HDAC2: variants seen among roughly 807,000 people sequenced by gnomAD.
The protein encoded by HDAC2 is YY1-associated factor 1.
HDAC2 carries 5 observed loss-of-function variants against 68.5 expected under a neutral mutation model. The observed-to-expected ratio is 0.07, with a 90% CI of 0.04 to 0.15. The LOEUF is 0.15. Ranked by LOEUF, HDAC2 falls within the 10% of genes least tolerant of loss-of-function variation. HDAC2 has a pLI of 1.00. For missense variants in HDAC2, 291 were observed against 600.8 expected (o/e 0.48, Z 5.39); for synonymous variants, 182 against 191.3 (o/e 0.95, Z 0.40).
rs148175102 is a variant in HDAC2, at chr6:113,943,235, T to C, written c.1378+116A>G. The C allele has an allele frequency of 9.7e-5, 69 of 713,076 alleles. 1 individual carries two copies. In the African/African-American group the frequency reaches 1.0e-3, roughly 11 times the overall value. 44.2% of individuals were successfully genotyped at this position (713,076 alleles called of 1,614,324 possible). On this transcript the variant is annotated intron_variant, in intron 12 of 13. Coordinates refer to ENST00000519065, the MANE Select transcript of HDAC2 (RefSeq NM_001527.4). ...ATGTAAGAAAAAAGAGTCACCTACCTAGCATACTTCCTCCTGATACCTGTG... is the reference window on the plus strand; with the variant it reads ...ATGTAAGAAAAAAGAGTCACCTACCCAGCATACTTCCTCCTGATACCTGTG...
rs1477809457 is a variant in HDAC2, at chr6:113,939,393, A to G, written c.*1665T>C. 1.3e-5 allele frequency: 2 copies of G among 152,264 alleles called. No homozygotes were observed. The highest frequency in any genetic ancestry group is 1.5e-5 in the Non-Finnish European group (1 of 68,066). The allele number at this position is 152,264 out of a possible 1,614,324, so 9.4% of individuals were successfully genotyped here. On this transcript the variant is annotated 3_prime_UTR_variant, in exon 14 of 14. Transcript: ENST00000519065. The stretch of plus-strand genomic sequence containing the variant: ...GTCCACCAAAATCCCACAAATCACC[A>G]CTAAAGAACTTAATCATGTAACCAA...
Position 113,943,427 on chromosome 6 carries a change from A to C in HDAC2, c.1302T>G (p.Asn434Lys). The C allele has an allele frequency of 1.9e-6, 3 of 1,611,170 alleles. No homozygotes were observed. The highest frequency in any genetic ancestry group is 2.5e-6 in the Non-Finnish European group (3 of 1,179,258). ...TTGCTCCTTTCTTATGATCAGCCACATTTCTTCGACCTCCTTCTCCTTCAT... is the reference window on the plus strand; with the variant it reads ...TTGCTCCTTTCTTATGATCAGCCACCTTTCTTCGACCTCCTTCTCCTTCAT... The part of the protein sequence containing the change: ...SEDEGEGGRR[N>K]VADHKKGAKK... Residue 434 changes from asparagine to lysine, a missense_variant, in exon 12 of 14, where the codon AAT (asparagine) becomes AAG (lysine). This residue lies in a region of HDAC2 where 137 missense variants were observed against 128.7 expected (regional missense o/e 1.06). Coordinates refer to ENST00000519065, the MANE Select transcript of HDAC2 (RefSeq NM_001527.4).
At position 113,970,705 on chromosome 6, in the gene HDAC2, A is replaced by G; in HGVS notation, c.52+152T>C. ...TGCGCCAGGAAGAGGGTCTCGTTCT[A>G]ACTGTGCCGGGCCGGGAACGGGTTA... On this transcript the variant is annotated intron_variant, in intron 1 of 13. Coordinates refer to ENST00000519065, the MANE Select transcript of HDAC2 (RefSeq NM_001527.4). The G allele has an allele frequency of 2.5e-5, 35 of 1,387,894 alleles. 1 individual carries two copies. In the South Asian group the frequency reaches 5.5e-4, roughly 22 times the overall value. 86.0% of individuals were successfully genotyped at this position (1,387,894 alleles called of 1,614,324 possible). A position where few individuals can be genotyped will look rare whatever the true frequency, so the allele number is the denominator to read the frequency against.
chr6:113,960,992 T>C (rs1377224786), intron 1 of HDAC2, among the ~76,000 whole-genome samples: 3 of 152,098 alleles, frequency 2.0e-5, no homozygotes, highest in African/African-American at 7.2e-5. Context: ...AATCTAGAGA[T>C]GACTTAAAGT....
chr6:113,942,742 C>G (rs564434445), intron 12 of HDAC2, among the ~76,000 whole-genome samples: 63 of 152,252 alleles, frequency 4.1e-4, no homozygotes, highest in Non-Finnish European at 6.6e-4. Flanking sequence ...TCTGGGAAGT[C>G]AGATGAAAGG....
chr6:113,967,716 C>T (rs796618841), intron 1 of HDAC2, among the ~76,000 whole-genome samples: 27 of 152,256 alleles, frequency 1.8e-4, no homozygotes, highest in African/African-American at 6.5e-4. Flanking sequence ...TAACTAGAGC[C>T]TAACACAGCT....
In HDAC2 at chr6:113,970,959, T is replaced by TGCC; in HGVS notation, c.-52_-51insGGC. The TGCC allele has an allele frequency of 6.4e-7, 1 of 1,562,302 alleles. No homozygotes were observed. The highest frequency in any genetic ancestry group is 8.7e-7 in the Non-Finnish European group (1 of 1,153,174). The stretch of plus-strand genomic sequence containing the variant: ...GGGCTCCTCCTCCTGCTGCTGCTGC[T>TGCC]GCTGCTGCTGCCGCCGCGGCTCGGC... On this transcript the variant is annotated 5_prime_UTR_variant, in exon 1 of 14. Coordinates refer to ENST00000519065, the MANE Select transcript of HDAC2 (RefSeq NM_001527.4).
intron 3 of HDAC2, chr6:113,957,215 G>C (rs1490386884): frequency 1.3e-5 from 2 of 153,628 alleles, no homozygotes; most frequent in Non-Finnish European, 2.9e-5. Flanking sequence ...GAATTAACTA[G>C]GTTCATGGGA....
intron 1 of HDAC2, among the ~76,000 whole-genome samples, chr6:113,965,215 A>C (rs1458557828): frequency 6.6e-6 from 1 of 152,096 alleles, no homozygotes; most frequent in Non-Finnish European, 1.5e-5. Flanking sequence ...CTTCCTTCCC[A>C]TTAAGTGCAC....
intron 6 of HDAC2, among the ~76,000 whole-genome samples, chr6:113,951,629 G>T (rs537905937): frequency 6.6e-6 from 1 of 151,992 alleles, no homozygotes; most frequent in East Asian, 1.9e-4. Context: ...CACCACGCCC[G>T]GCTAATTTTT....
intron 12 of HDAC2, among the ~76,000 whole-genome samples, chr6:113,942,866 C>A (rs1265718989): frequency 2.0e-5 from 3 of 152,158 alleles, no homozygotes; most frequent in Admixed American, 2.0e-4. Flanking sequence ...CCCCTCCTAG[C>A]TTTCCTCAGA....
chr6:113,939,671 ACTT>A lies in HDAC2; in HGVS notation c.*1384_*1386del, dbSNP rs1392286790. ...GGATAAAATAATCACAATGGTGATTACTTCTTAAGGCTGGGAGGGAGGGAGGAT... is the reference window on the plus strand; with the variant it reads ...GGATAAAATAATCACAATGGTGATTACTTAAGGCTGGGAGGGAGGGAGGAT... On this transcript the variant is annotated 3_prime_UTR_variant, in exon 14 of 14. Transcript: ENST00000519065. The A allele has an allele frequency of 1.3e-5, 2 of 152,210 alleles. No homozygotes were observed. Among genetic ancestry groups the A allele is most frequent in the African/African-American group, 4.8e-5 (2 of 41,454 alleles). The allele number at this position is 152,210 out of a possible 1,614,324, so 9.4% of individuals were successfully genotyped here.
intron 1 of HDAC2, among the ~76,000 whole-genome samples, chr6:113,960,742 C>G (rs1342170345): frequency 6.6e-6 from 1 of 151,948 alleles, no homozygotes; most frequent in South Asian, 2.1e-4. Flanking sequence ...AAAATTAATA[C>G]TTTTAGGTAA....
In HDAC2 at chr6:113,971,106, C is replaced by T. The variant is rs756770757; in HGVS notation, c.-198G>A. 15 of 1,545,962 alleles carry T rather than the reference C, an allele frequency of 9.7e-6. No homozygotes were observed. Among genetic ancestry groups the T allele is most frequent in the Non-Finnish European group, 1.2e-5 (14 of 1,143,948 alleles). ...TACCACCCGGCAGAGGTGCCGAAAG[C>T]TCGGAATCGGAGGTGGCAGCGGCAC... On this transcript the variant is annotated 5_prime_UTR_variant, in exon 1 of 14. Transcript: ENST00000519065.
At position 113,936,903 on chromosome 6, in the gene HDAC2, A is replaced by C. The variant is rs1278781810; in HGVS notation, c.*4155T>G. ...GCTGCTTGGGAGGCTGAAGCATGAG[A>C]ATCACCTGAACCTAGGAAGCAGAGG... On this transcript the variant is annotated 3_prime_UTR_variant, in exon 14 of 14. Coordinates refer to ENST00000519065, the MANE Select transcript of HDAC2 (RefSeq NM_001527.4). 1.3e-5 allele frequency: 2 copies of C among 152,140 alleles called. No individual in the cohort carries two copies. The highest frequency in any genetic ancestry group is 4.8e-5 in the African/African-American group (2 of 41,388). The allele number at this position is 152,140 out of a possible 1,614,324, so 9.4% of individuals were successfully genotyped here.
chr6:113,941,134 G>C (rs919301300), intron 13 of HDAC2, 46 bp from the exon 14 acceptor site: 37 of 1,472,936 alleles, frequency 2.5e-5, no homozygotes, highest in Non-Finnish European at 3.4e-5. Context: ...CACAATCTTG[G>C]TTTAAATGCA....
At chr6:113,968,973 A>C (rs956384466) in intron 1 of HDAC2, among the ~76,000 whole-genome samples, 2 of 152,332 alleles carry the variant, frequency 1.3e-5, no homozygotes, top group East Asian at 3.9e-4. Context: ...GAAGGACCTC[A>C]GTACCACTTT....
chr6:113,955,386 C>T (rs939407431), intron 5 of HDAC2, among the ~76,000 whole-genome samples: 6 of 151,362 alleles, frequency 4.0e-5, no homozygotes, highest in African/African-American at 7.3e-5. Context: ...GCTAATTTTT[C>T]TATTTTTAGT....
In HDAC2 at chr6:113,939,519, A is replaced by T. The variant is rs1429782571; in HGVS notation, c.*1539T>A. ...ACCATCTATGTTTCACAAACACTAA[A>T]TACATTTCATTATCCCCCTAACGAA... is the stretch of plus-strand genomic sequence containing the variant. On this transcript the variant is annotated 3_prime_UTR_variant, in exon 14 of 14. Transcript: ENST00000519065. The T allele has an allele frequency of 6.6e-6, 1 of 152,242 alleles. No homozygotes were observed. The highest frequency in any genetic ancestry group is 2.4e-5 in the African/African-American group (1 of 41,462). 9.4% of individuals were successfully genotyped at this position (152,242 alleles called of 1,614,324 possible). A position where few individuals can be genotyped will look rare whatever the true frequency, so the allele number is the denominator to read the frequency against.
Sources: gnomAD v4.1 joint callset for allele counts (sites outside exome capture counted in the v4.1 genomes callset) on GRCh38, gnomAD v4.1.1 for gene constraint, gnomAD v4.1.1 regional missense constraint, MANE v1.5 for transcripts, NCBI Gene and HGNC (gene_info 2026-07-23, HGNC 2026-07-21) for gene names.